C1RL: variants seen among roughly 807,000 people sequenced by gnomAD.
C1RL encodes complement C1r subcomponent-like protein.
C1RL carries 27 observed loss-of-function variants against 27.9 expected under a neutral mutation model. That is an observed-to-expected ratio of 0.97 (90% CI 0.71 to 1.33). The LOEUF (loss-of-function observed/expected upper bound fraction) is 1.33. C1RL is among the 40% of genes most tolerant of loss of function. The pLI, the probability that C1RL is intolerant of heterozygous loss-of-function variation, is 0.00. For missense variants in C1RL, 563 were observed against 623.9 expected (o/e 0.90, Z 1.04); for synonymous variants, 248 against 252.1 (o/e 0.98, Z 0.15).
At position 7,104,408 on chromosome 12, in the gene C1RL, G is replaced by A. The variant is rs1460676920; in HGVS notation, c.301-2321C>T. 1.3e-5 allele frequency among the ~76,000 whole-genome samples: 2 copies of A among 152,196 alleles called. No individual in the cohort carries two copies. The highest frequency in any genetic ancestry group is 2.9e-5 in the Non-Finnish European group (2 of 68,036). ...CAGCAGGTCCATGAATAACATCGTC[G>A]TTTCATTATGACGTTGACGAGAAAA... On this transcript the variant is annotated intron_variant, in intron 2 of 5. Coordinates refer to ENST00000266542, the MANE Select transcript of C1RL (RefSeq NM_016546.4). The surrounding 1 kb of genome is among the most constrained non-coding windows in gnomAD (Gnocchi z 5.4).
intron 2 of C1RL, among the ~76,000 whole-genome samples, chr12:7,107,612 C>T (rs972241654): frequency 2.0e-5 from 3 of 151,704 alleles, no homozygotes; most frequent in African/African-American, 7.3e-5. Context: ...ATAATGTGCT[C>T]TTTTTATTTT....
rs1938695287 is a variant in C1RL, at chr12:7,104,006, A to C, written c.301-1919T>G. Among the ~76,000 whole-genome samples the C allele has an allele frequency of 6.6e-6, 1 of 152,226 alleles. No individual in the cohort carries two copies. Among genetic ancestry groups the C allele is most frequent in the Admixed American group, 6.5e-5 (1 of 15,288 alleles). ...CCAGTCGTATGACAGCAAAGGGATA[A>C]AATGGTACACATAACCAAGGACAAA... On this transcript the variant is annotated intron_variant, in intron 2 of 5. Transcript: ENST00000266542. This position sits in a 1 kb window ranked among gnomAD's most constrained non-coding sequence, Gnocchi z 5.4.
chr12:7,097,261 G>T, intron 5 of C1RL, 98 bp from the exon 6 acceptor site: 1 of 1,066,648 alleles, frequency 9.4e-7, no homozygotes, highest in Non-Finnish European at 1.3e-6. Flanking sequence ...GGGGACGCGT[G>T]AAGAGACTCT....
intron 2 of C1RL, chr12:7,107,959 C>T (rs1228323458): frequency 2.9e-6 from 1 of 341,496 alleles, no homozygotes; most frequent in African/African-American, 2.1e-5. Flanking sequence ...GCGTCCCTGC[C>T]CCTGGCTCCA....
At chr12:7,103,956 A>G (rs887296510) in intron 2 of C1RL, among the ~76,000 whole-genome samples, 10 of 152,226 alleles carry the variant, frequency 6.6e-5, no homozygotes, top group Non-Finnish European at 1.0e-4. Context: ...AAATGCATGC[A>G]TATATTTCCT....
chr12:7,097,214 A>G (rs759036324), intron 5 of C1RL, 51 bp from the exon 6 acceptor site: 1 of 1,509,938 alleles, frequency 6.6e-7, no homozygotes, highest in Admixed American at 2.0e-5. Context: ...ATCTAGACAC[A>G]CTGATTAAAG....
intron 1 of C1RL, chr12:7,108,890 A>G: frequency 5.4e-6 from 3 of 555,522 alleles, no homozygotes; most frequent in South Asian, 3.9e-5. Context: ...TAGAGGCCAC[A>G]GGCAAATTTC....
intron 5 of C1RL, among the ~76,000 whole-genome samples, chr12:7,098,112 C>CA (rs201944430): frequency 0.17 from 25,773 of 151,256 alleles, 2,445 homozygotes; most frequent in East Asian, 0.42. Context: ...CTAAAAAATA[C>CA]AAAAAAAAAT....
At chr12:7,099,225 CAAAAAAAAAAA>C (rs1180325788) in intron 5 of C1RL, among the ~76,000 whole-genome samples, 183 of 44,394 alleles carry the variant, frequency 4.1e-3, no homozygotes, top group African/African-American at 0.013. Context: ...AACTCCATCC[CAAAAAAAAAAA>C]AAAAAAAAAA....
intron 5 of C1RL, among the ~76,000 whole-genome samples, chr12:7,099,223 C>T (rs1023611746): frequency 1.7e-5 from 1 of 60,526 alleles, no homozygotes; most frequent in Non-Finnish European, 2.8e-5. Context: ...GAAACTCCAT[C>T]CCAAAAAAAA....
chr12:7,099,176 G>A (rs2135755004), intron 5 of C1RL, among the ~76,000 whole-genome samples: 1 of 121,786 alleles, frequency 8.2e-6, no homozygotes, highest in Admixed American at 1.1e-4. Context: ...AGTGAACCAA[G>A]ATTGTGCCGT....
In C1RL at chr12:7,097,367, C is replaced by T. The variant is rs142225748; in HGVS notation, c.692-204G>A. The T allele has an allele frequency of 1.9e-3, 986 of 525,972 alleles. 7 individuals are homozygous for T. The highest frequency in any genetic ancestry group is 0.018 in the African/African-American group (900 of 50,764). 32.6% of individuals were successfully genotyped at this position (525,972 alleles called of 1,614,324 possible). On this transcript the variant is annotated intron_variant, in intron 5 of 5. Transcript: ENST00000266542. The stretch of plus-strand genomic sequence containing the variant: ...GCGCGATCTCGGCTCACTGCAACCT[C>T]CGCCTCCTGCGCTCAAGCAATTCTG...
chr12:7,099,578 T>C (rs1437350247), intron 5 of C1RL, 108 bp downstream of exon 5: 8 of 1,474,504 alleles, frequency 5.4e-6, no homozygotes, highest in Non-Finnish European at 7.3e-6. Flanking sequence ...ACCTTCTGCT[T>C]CTTATCTTCC....
Position 7,109,091 on chromosome 12 carries a change from C to G in C1RL, c.71+19G>C, listed in dbSNP as rs202168734. ...CCCTCCCGTCCTCTTCCCTCCTCCT[C>G]TGCCGGGGCCACACTCACATTGCGC... On this transcript the variant is annotated intron_variant, in intron 1 of 5. Coordinates refer to ENST00000266542, the MANE Select transcript of C1RL (RefSeq NM_016546.4). 4.4e-4 allele frequency: 693 copies of G among 1,575,498 alleles called. No individual in the cohort carries two copies. The highest frequency in any genetic ancestry group is 5.7e-4 in the Non-Finnish European group (662 of 1,157,396).
At position 7,102,106 on chromosome 12, in the gene C1RL, G is replaced by A; in HGVS notation, c.301-19C>T. On this transcript the variant is annotated intron_variant, in intron 2 of 5. Coordinates refer to ENST00000266542, the MANE Select transcript of C1RL (RefSeq NM_016546.4). ...ATGAGATCTGAAAGCGGGAGGAGGA[G>A]TGAGGCTGCAGATAGGTGTGGGGTG... The A allele has an allele frequency of 2.5e-6, 4 of 1,597,556 alleles. No individual in the cohort carries two copies. Among genetic ancestry groups the A allele is most frequent in the Non-Finnish European group, 3.4e-6 (4 of 1,167,140 alleles).
intron 2 of C1RL, among the ~76,000 whole-genome samples, chr12:7,106,574 G>T (rs183258244): frequency 1.3e-5 from 2 of 152,176 alleles, no homozygotes; most frequent in African/African-American, 4.8e-5. Flanking sequence ...ATCTTCAGGA[G>T]GGATGTCACC....
Position 7,096,286 on chromosome 12 carries a change from A to ACCCCCCCCCCCCCACCCCC in C1RL, c.*104_*105insGGGGGTGGGGGGGGGGGGG. 1.8e-5 allele frequency: 2 copies of ACCCCCCCCCCCCCACCCCC among 113,508 alleles called. No individual in the cohort carries two copies. Among genetic ancestry groups the ACCCCCCCCCCCCCACCCCC allele is most frequent in the Non-Finnish European group, 2.3e-5 (2 of 88,676 alleles). 7.0% of individuals were successfully genotyped at this position (113,508 alleles called of 1,614,324 possible). ...TGAATAGGATTTCCCTGCCTCCCCC[A>ACCCCCCCCCCCCCACCCCC]ACCCCCCACCCCCAACCCCTACCCC... On this transcript the variant is annotated 3_prime_UTR_variant, in exon 6 of 6. Coordinates refer to ENST00000266542, the MANE Select transcript of C1RL (RefSeq NM_016546.4).
In C1RL at chr12:7,108,247, T is replaced by C. The variant is rs760833212; in HGVS notation, c.300+4A>G. 15 of 1,590,232 alleles carry C rather than the reference T, an allele frequency of 9.4e-6. No individual in the cohort carries two copies. The highest frequency in any genetic ancestry group is 1.2e-5 in the Non-Finnish European group (14 of 1,164,418). On this transcript the variant is annotated splice_donor_region_variant and intron_variant, in intron 2 of 5. Coordinates refer to ENST00000266542, the MANE Select transcript of C1RL (RefSeq NM_016546.4). ...TGGCGGGACCCCCCCCATCCCCAGC[T>C]CACTGTGACAGAGTCCCCTGCACAG...
intron 5 of C1RL, among the ~76,000 whole-genome samples, chr12:7,099,150 A>G (rs1328376356): frequency 7.0e-6 from 1 of 143,138 alleles, no homozygotes; most frequent in African/African-American, 2.6e-5. Context: ...GCTTGAACCC[A>G]GGAGATGGAG....
Sources: gnomAD v4.1 joint callset for allele counts (sites outside exome capture counted in the v4.1 genomes callset) on GRCh38, gnomAD v4.1.1 for gene constraint, Gnocchi (gnomAD v3.1) non-coding constraint, MANE v1.5 for transcripts, NCBI Gene and HGNC (gene_info 2026-07-23, HGNC 2026-07-21) for gene names.